The following MIPOL1 variants were observed in gnomAD, a reference collection of about 807,000 sequenced individuals.
MIPOL1 encodes mirror-image polydactyly gene 1 protein.
A neutral mutation model predicts 60.9 loss-of-function variants in MIPOL1; 57 were observed. That is an observed-to-expected ratio of 0.94 (90% confidence interval 0.76 to 1.17). The LOEUF is 1.17. Among genes scored for constraint, MIPOL1 ranks in the 50% most tolerant of loss-of-function variants. MIPOL1 has a pLI of 0.00. For synonymous variants in MIPOL1, 179 were observed against 168.8 expected, an observed-to-expected ratio of 1.06 and a Z score of -0.47; for missense variants, 551 against 511.6, an observed-to-expected ratio of 1.08 and a Z score of -0.74.
At chr14:37,297,185 A>G (rs2085815141) in intron 7 of MIPOL1, among the ~76,000 whole-genome samples, 1 of 152,344 alleles carries the variant, frequency 6.6e-6, no homozygotes, top group South Asian at 2.1e-4. Context: ...CAGCATATAA[A>G]CAGAACCAAA....
intron 9 of MIPOL1, among the ~76,000 whole-genome samples, chr14:37,347,547 A>G (rs1175540656): frequency 2.0e-5 from 3 of 152,200 alleles, no homozygotes; most frequent in African/African-American, 4.8e-5. Flanking sequence ...ATAATATTCC[A>G]AGAGATGATA....
intron 11 of MIPOL1, among the ~76,000 whole-genome samples, chr14:37,453,062 A>G (rs1413623234): frequency 6.6e-6 from 1 of 152,212 alleles, no homozygotes; most frequent in African/African-American, 2.4e-5. Context: ...TTTACCAATG[A>G]AAGAAATTTC....
intron 9 of MIPOL1, among the ~76,000 whole-genome samples, chr14:37,355,224 G>C (rs2091714739): frequency 7.0e-6 from 1 of 143,102 alleles, no homozygotes; most frequent in Non-Finnish European, 1.5e-5. Context: ...TAAGAATGTT[G>C]AATATTGGCC....
intron 7 of MIPOL1, among the ~76,000 whole-genome samples, chr14:37,298,847 G>T (rs1231447168): frequency 6.6e-6 from 1 of 150,502 alleles, no homozygotes; most frequent in Non-Finnish European, 1.5e-5. Context: ...TACACTGTTG[G>T]TGGGACTGTA....
chr14:37,351,177 C>T (rs55647614), intron 9 of MIPOL1, among the ~76,000 whole-genome samples: 30,326 of 143,440 alleles, frequency 0.21, 3,621 homozygotes, highest in South Asian at 0.33. Context: ...TTTGTTCTTG[C>T]GATAGTTTAC....
chr14:37,398,739 C>A (rs1401827041), intron 10 of MIPOL1, among the ~76,000 whole-genome samples: 1 of 152,152 alleles, frequency 6.6e-6, no homozygotes, highest in African/African-American at 2.4e-5. Flanking sequence ...ACAAGGTGTG[C>A]AGGACATTGA....
At chr14:37,362,144 C>T (rs1403217877) in intron 9 of MIPOL1, among the ~76,000 whole-genome samples, 2 of 152,080 alleles carry the variant, frequency 1.3e-5, no homozygotes. Flanking sequence ...GAATATGATC[C>T]TGTCATTATG....
At chr14:37,327,305 T>G (rs2089255139) in intron 9 of MIPOL1, among the ~76,000 whole-genome samples, 3 of 152,018 alleles carry the variant, frequency 2.0e-5, no homozygotes. Flanking sequence ...TTTTTTTTTT[T>G]GAGACAGGTT....
chr14:37,291,681 T>C (rs1834980914), intron 7 of MIPOL1, among the ~76,000 whole-genome samples: 1 of 152,140 alleles, frequency 6.6e-6, no homozygotes, highest in South Asian at 2.1e-4. Context: ...CAGAAATTTA[T>C]TGGCTCACAG....
chr14:37,537,761 A>G (rs2095512822), intron 12 of MIPOL1, among the ~76,000 whole-genome samples: 1 of 152,214 alleles, frequency 6.6e-6, no homozygotes, highest in Non-Finnish European at 1.5e-5. Flanking sequence ...TCCAGTGAAT[A>G]TATATTGAAT....
chr14:37,344,443 G>A (rs1032243816), intron 9 of MIPOL1, among the ~76,000 whole-genome samples: 8 of 149,372 alleles, frequency 5.4e-5, no homozygotes, highest in Non-Finnish European at 5.9e-5. Context: ...TTTTTTTTCC[G>A]AGTATCCAAA....
intron 9 of MIPOL1, among the ~76,000 whole-genome samples, chr14:37,348,032 A>T (rs988727567): frequency 6.6e-6 from 1 of 152,188 alleles, no homozygotes; most frequent in Non-Finnish European, 1.5e-5. Flanking sequence ...CACAGTACCC[A>T]ACAGGTAGTT....
chr14:37,384,074 T>C (rs1037848914), intron 10 of MIPOL1, among the ~76,000 whole-genome samples: 2 of 151,930 alleles, frequency 1.3e-5, no homozygotes, highest in Non-Finnish European at 2.9e-5. Flanking sequence ...TTTGTGCCCA[T>C]AGATAACATG....
At chr14:37,372,188 A>T (rs946275017) in intron 10 of MIPOL1, among the ~76,000 whole-genome samples, 1 of 152,086 alleles carries the variant, frequency 6.6e-6, no homozygotes, top group Admixed American at 6.6e-5. Flanking sequence ...GAAATTCCTA[A>T]AGGAATTTCA....
intron 1 of MIPOL1, chr14:37,240,653 A>T (rs752013125): frequency 6.6e-6 from 1 of 152,136 alleles, no homozygotes; most frequent in African/African-American, 2.4e-5. Context: ...ACGTTTCAGG[A>T]TATTTTAGAA....
At chr14:37,523,146 G>A (rs1179087195) in intron 12 of MIPOL1, among the ~76,000 whole-genome samples, 1 of 152,088 alleles carries the variant, frequency 6.6e-6, no homozygotes, top group East Asian at 1.9e-4. Context: ...ATGGCTTAAT[G>A]AACAAGTTTC....
At chr14:37,439,638 G>T (rs955334765) in intron 11 of MIPOL1, among the ~76,000 whole-genome samples, 4 of 152,044 alleles carry the variant, frequency 2.6e-5, no homozygotes, top group Non-Finnish European at 5.9e-5. Context: ...CGCATCACTT[G>T]CCCCTGAAAA....
At chr14:37,238,360 G>A (rs1971812045) in intron 1 of MIPOL1, among the ~76,000 whole-genome samples, 1 of 151,994 alleles carries the variant, frequency 6.6e-6, no homozygotes, top group South Asian at 2.1e-4. Flanking sequence ...TACCTGTCCT[G>A]TGAATCCTGC....
At chr14:37,543,532 C>T (rs1327957988) in intron 12 of MIPOL1, among the ~76,000 whole-genome samples, 1 of 152,202 alleles carries the variant, frequency 6.6e-6, no homozygotes, top group African/African-American at 2.4e-5. Context: ...CCGTCTCGGC[C>T]TCCCAAAGTG....
Sources: gnomAD v4.1 joint callset for allele counts (sites outside exome capture counted in the v4.1 genomes callset) on GRCh38, gnomAD v4.1.1 for gene constraint, MANE v1.5 for transcripts, NCBI Gene and HGNC (gene_info 2026-07-23, HGNC 2026-07-21) for gene names.